AHRR: variants seen among roughly 807,000 people sequenced by gnomAD.
AHRR encodes aryl hydrocarbon receptor repressor.
A neutral mutation model predicts 44.0 loss-of-function variants in AHRR; 28 were observed. The observed-to-expected ratio is 0.64, with a 90% CI of 0.47 to 0.87. The LOEUF (loss-of-function observed/expected upper bound fraction) is 0.87. AHRR is among the 40% of genes least tolerant of loss of function. The pLI, the probability that AHRR is intolerant of heterozygous loss-of-function variation, is 0.00. For synonymous variants in AHRR, 434 were observed against 407.0 expected, an observed-to-expected ratio of 1.07 and a Z score of -0.80; for missense variants, 990 against 953.9, an observed-to-expected ratio of 1.04 and a Z score of -0.50.
chr5:393,470 C>T (rs1192587341), intron 4 of AHRR, among the ~76,000 whole-genome samples: 2 of 152,240 alleles, frequency 1.3e-5, no homozygotes, highest in Admixed American at 6.5e-5. Flanking sequence ...GCTGTGTCTT[C>T]GTGCGTGGAC....
chr5:392,370 G>A (rs1478135753), intron 4 of AHRR, among the ~76,000 whole-genome samples: 3 of 131,348 alleles, frequency 2.3e-5, no homozygotes, highest in Admixed American at 7.3e-5. Flanking sequence ...GAGCGTGCAC[G>A]GGCGCAGGGC....
intron 3 of AHRR, 53 bp from the exon 4 acceptor site, chr5:376,557 A>ATGTGAATGAATGAGAACC (rs368685976): frequency 1.2e-5 from 17 of 1,429,176 alleles, no homozygotes; most frequent in Admixed American, 2.2e-5. Context: ...AATGAAGAAG[A>ATGTGAATGAATGAGAACC]GTGGCCAGGC....
chr5:345,559 TG>T (rs1742637648), intron 2 of AHRR, among the ~76,000 whole-genome samples: 1 of 144,192 alleles, frequency 6.9e-6, no homozygotes, highest in African/African-American at 2.6e-5. Context: ...GATGTGTGTG[TG>T]GGGATGTGTG....
intron 5 of AHRR, among the ~76,000 whole-genome samples, chr5:414,217 C>T (rs954834100): frequency 1.5e-4 from 23 of 151,812 alleles, no homozygotes; most frequent in African/African-American, 2.7e-4. Flanking sequence ...GAGGTGAGAT[C>T]GAGTCACTGC....
At chr5:427,634 C>CA in intron 7 of AHRR, 173 bp from the exon 8 acceptor site, 1 of 1,613,132 alleles carries the variant, frequency 6.2e-7, no homozygotes, top group Non-Finnish European at 8.5e-7. Context: ...AATCACTCTG[C>CA]AGGCCCGGGG....
intron 8 of AHRR, among the ~76,000 whole-genome samples, chr5:430,123 C>T (rs1420534193): frequency 2.0e-5 from 3 of 152,252 alleles, no homozygotes; most frequent in South Asian, 2.1e-4. Flanking sequence ...TCTTAAGTTG[C>T]AGTCACGTGT....
In AHRR at chr5:435,756, A is replaced by G. The variant is rs1014019317; in HGVS notation, c.*922A>G. The G allele has an allele frequency of 3.3e-5, 5 of 152,574 alleles. No individual in the cohort carries two copies. The highest frequency in any genetic ancestry group is 4.8e-5 in the African/African-American group (2 of 41,452). The allele number at this position is 152,574 out of a possible 1,614,324, so 9.5% of individuals were successfully genotyped here. A position where few individuals can be genotyped will look rare whatever the true frequency, so the allele number is the denominator to read the frequency against. The stretch of plus-strand genomic sequence containing the variant: ...TGGGGGTTTCTCTCTGGCTGGCTGT[A>G]CAGTTCACTCAAATGAGGGTTCCCA... On this transcript the variant is annotated 3_prime_UTR_variant, in exon 11 of 11. Transcript: ENST00000684583.
intron 1 of AHRR, among the ~76,000 whole-genome samples, chr5:322,940 T>G (rs1408459477): frequency 2.6e-5 from 4 of 152,346 alleles, no homozygotes; most frequent in Non-Finnish European, 4.4e-5. Context: ...GACACGAGTT[T>G]TACCACGGGA....
intron 7 of AHRR, among the ~76,000 whole-genome samples, chr5:426,353 T>C (rs768155437): frequency 2.7e-5 from 4 of 149,178 alleles, no homozygotes; most frequent in Admixed American, 1.3e-4. Flanking sequence ...GATGGGAAGA[T>C]GGATGGGTGG....
intron 1 of AHRR, among the ~76,000 whole-genome samples, chr5:340,688 A>ATATATTTT (rs1269938749): frequency 7.7e-5 from 1 of 12,914 alleles, no homozygotes. Context: ...ATATATATAT[A>ATATATTTT]TTTTTTTTTT....
In AHRR at chr5:422,824, G is replaced by C. The variant is rs778812527; in HGVS notation, c.537G>C (p.Gln179His). The change falls in exon 6 of 11, where the codon CAG becomes CAC. Residue 179 changes from glutamine to histidine, a missense_variant. Gln to His is a conservative substitution (Grantham distance 24). Coordinates refer to ENST00000684583, the MANE Select transcript of AHRR (RefSeq NM_001377236.1). The stretch of plus-strand genomic sequence containing the variant: ...TCCACTGGGCCATGGACCCTCCCCA[G>C]GTGGTGTTTGGGCAGCCCCCGCCCT... ...RQLHWAMDPP[Q>H]VVFGQPPPLE... 1.2e-6 allele frequency: 2 copies of C among 1,614,062 alleles called. No individual in the cohort carries two copies. The highest frequency in any genetic ancestry group is 1.7e-5 in the Admixed American group (1 of 60,016).
chr5:344,215 A>G (rs71585239), intron 2 of AHRR, among the ~76,000 whole-genome samples: 71,372 of 149,620 alleles, frequency 0.48, 18,977 homozygotes, highest in Non-Finnish European at 0.61. Context: ...GGCGGCGGGC[A>G]CCGTGAGGCG....
chr5:416,171 A>G (rs1735802338), intron 5 of AHRR, among the ~76,000 whole-genome samples: 1 of 152,192 alleles, frequency 6.6e-6, no homozygotes, highest in Non-Finnish European at 1.5e-5. Context: ...GGCTGTGTGC[A>G]GGGAGAGGGA....
At chr5:432,431 A>G (rs1736771503) in intron 8 of AHRR, 32 bp from the exon 9 acceptor site, 1 of 1,605,018 alleles carries the variant, frequency 6.2e-7, no homozygotes, top group South Asian at 1.1e-5. Context: ...TTCATCCGTC[A>G]CATGTCACAT....
chr5:398,215 C>CGTAGCTCCTGACCATCCAT (rs1734843501), intron 4 of AHRR, among the ~76,000 whole-genome samples: 3 of 114,016 alleles, frequency 2.6e-5, no homozygotes, highest in Admixed American at 8.2e-5. Context: ...TGACCATCCA[C>CGTAGCTCCTGACCATCCAT]GTAGCTCCTG....
At chr5:340,689 T>TATATATATATATATATA (rs1491423678) in intron 1 of AHRR, among the ~76,000 whole-genome samples, 12 of 17,394 alleles carry the variant, frequency 6.9e-4, no homozygotes, top group African/African-American at 1.3e-3. Flanking sequence ...TATATATATA[T>TATATATATATATATATA]TTTTTTTTTT....
chr5:390,810 C>G (rs1177840691), intron 4 of AHRR, among the ~76,000 whole-genome samples: 1 of 152,094 alleles, frequency 6.6e-6, no homozygotes, highest in Non-Finnish European at 1.5e-5. Context: ...TGGAAATGAT[C>G]CAGAGACAGA....
intron 3 of AHRR, among the ~76,000 whole-genome samples, chr5:369,430 T>C (rs1743488854): frequency 6.6e-6 from 1 of 152,230 alleles, no homozygotes; most frequent in African/African-American, 2.4e-5. Flanking sequence ...CTTGCCTGCT[T>C]TGCAAGGCTG....
At chr5:365,295 G>T (rs868481969) in intron 3 of AHRR, among the ~76,000 whole-genome samples, 1 of 152,060 alleles carries the variant, frequency 6.6e-6, no homozygotes, top group Non-Finnish European at 1.5e-5. Context: ...AAATATTGAA[G>T]AATAATGAGG....
Sources: gnomAD v4.1 joint callset for allele counts (sites outside exome capture counted in the v4.1 genomes callset) on GRCh38, gnomAD v4.1.1 for gene constraint, MANE v1.5 for transcripts, NCBI Gene and HGNC (gene_info 2026-07-23, HGNC 2026-07-21) for gene names.